CFAP43: variants seen among roughly 807,000 people sequenced by gnomAD.
CFAP43 encodes cilia and flagella associated protein 43.
Under a neutral mutation model 218.9 loss-of-function variants are expected in CFAP43, and 155 were observed. That is an observed-to-expected ratio of 0.71 (90% CI 0.62 to 0.81). The LOEUF (loss-of-function observed/expected upper bound fraction) is 0.81. CFAP43 is among the 30% of genes least tolerant of loss of function. CFAP43 has a pLI of 0.00. For synonymous variants in CFAP43, 645 were observed against 681.3 expected (o/e 0.95, Z 0.83); for missense variants, 1,778 against 1,954.3 (o/e 0.91, Z 1.70).
intron 7 of CFAP43, among the ~76,000 whole-genome samples, chr10:104,204,704 G>A (rs1187044373): frequency 6.8e-6 from 1 of 148,010 alleles, no homozygotes. Flanking sequence ...GGTTGGGGGA[G>A]CTAAGTGTAG....
chr10:104,155,010 G>T, intron 27 of CFAP43, among the ~76,000 whole-genome samples: 1 of 152,190 alleles, frequency 6.6e-6, no homozygotes, highest in South Asian at 2.1e-4. Context: ...GAGGGAAGCA[G>T]TGCAGGCAAG....
rs1467739987 is a variant in CFAP43, at chr10:104,170,353, G to A, written c.2587-1505C>T. 4.6e-5 allele frequency among the ~76,000 whole-genome samples: 7 copies of A among 152,104 alleles called. No homozygotes were observed. The South Asian group carries it at 1.0e-3, about 23-fold the overall frequency. On this transcript the variant is annotated intron_variant, in intron 20 of 37. Transcript: ENST00000357060. ...ATCTGGGGCAGAGGCACAGGGTGGC[G>A]GTGGGGTAGGTAGGATGAGTTTGGC...
intron 23 of CFAP43, 108 bp downstream of exon 23, chr10:104,166,380 G>T: frequency 1.2e-6 from 1 of 808,494 alleles, no homozygotes; most frequent in Non-Finnish European, 1.9e-6. Flanking sequence ...CCTCCTCTAT[G>T]TATTTTTAAA....
intron 2 of CFAP43, among the ~76,000 whole-genome samples, chr10:104,227,035 TATG>T (rs926270128): frequency 2.0e-5 from 3 of 152,132 alleles, no homozygotes; most frequent in African/African-American, 7.2e-5. Context: ...ATATATAATA[TATG>T]ATAATCCATT....
At chr10:104,212,700 T>A (rs547591875) in intron 4 of CFAP43, among the ~76,000 whole-genome samples, 1 of 152,342 alleles carries the variant, frequency 6.6e-6, no homozygotes, top group East Asian at 1.9e-4. Context: ...ACTTTTATAA[T>A]CTCTGATATT....
In CFAP43 at chr10:104,192,295, G is replaced by T; in HGVS notation, c.1450C>A (p.Gln484Lys). The T allele has an allele frequency of 6.2e-7, 1 of 1,610,162 alleles. No individual in the cohort carries two copies. Among genetic ancestry groups the T allele is most frequent in the East Asian group, 2.2e-5 (1 of 44,730 alleles). Reference sequence around the variant, plus strand: ...CCAACTAACAGAAATATTCCTTGCTGATCATAACTAGAAAAGAAGAAATCT... The same window carrying T: ...CCAACTAACAGAAATATTCCTTGCTTATCATAACTAGAAAAGAAGAAATCT... Reference protein sequence around the residue: ...ESSVQHVVYDQQGIFLLVGTA... With the variant: ...ESSVQHVVYDKQGIFLLVGTA... Residue 484 changes from glutamine to lysine, a missense_variant, in exon 12 of 38, where the codon CAG becomes AAG. This residue lies in a region of CFAP43 where 1,553 missense variants were observed against 1,685.2 expected (regional missense o/e 0.92). Coordinates refer to ENST00000357060, the MANE Select transcript of CFAP43 (RefSeq NM_025145.7).
rs1404819446 is a variant in CFAP43, at chr10:104,167,726, G to T, written c.2703C>A (p.Ile901=). The T allele has an allele frequency of 1.2e-6, 2 of 1,604,938 alleles. No homozygotes were observed. Among genetic ancestry groups the T allele is most frequent in the African/African-American group, 1.3e-5 (1 of 74,474 alleles). ...TCGGGAAGTTTTCAACCACACAGGG[G>T]ATATGAAAACACTTGGGGAAAAAAA... The part of the protein sequence containing the change: ...VKGRALKCFH[I]PCVVENFPMK... Residue 901 remains isoleucine (I), a synonymous_variant, in exon 22 of 38, where the codon ATC becomes ATA. Coordinates refer to ENST00000357060, the MANE Select transcript of CFAP43 (RefSeq NM_025145.7).
At chr10:104,231,659 GA>G (rs896838899) in intron 1 of CFAP43, among the ~76,000 whole-genome samples, 3 of 152,052 alleles carry the variant, frequency 2.0e-5, no homozygotes, top group Non-Finnish European at 4.4e-5. Flanking sequence ...GAATGTAGGG[GA>G]AAAAATGCCA....
intron 4 of CFAP43, 58 bp from the exon 5 acceptor site, chr10:104,212,215 A>G: frequency 6.4e-7 from 1 of 1,553,168 alleles, no homozygotes. Context: ...TATTGATGCA[A>G]CCACTGCATA....
rs1315615668 is a variant in CFAP43, at chr10:104,145,578, T to C, written c.3856-14A>G. 1 of 1,578,214 alleles carries C rather than the reference T, an allele frequency of 6.3e-7. No homozygotes were observed. ...GCGATCCATAACCTAAGGACAAACA[T>C]GACATTTGAGGACTGCAACTTGGTT... On this transcript the variant is annotated splice_polypyrimidine_tract_variant and intron_variant, in intron 30 of 37. Coordinates refer to ENST00000357060, the MANE Select transcript of CFAP43 (RefSeq NM_025145.7).
chr10:104,220,949 C>CGTGTGTGTGTGTGTGT (rs68093596), intron 3 of CFAP43, among the ~76,000 whole-genome samples: 1 of 143,580 alleles, frequency 7.0e-6, no homozygotes, highest in African/African-American at 2.6e-5. Flanking sequence ...TATGAGTGAG[C>CGTGTGTGTGTGTGTGT]GTGTGTGTGT....
Position 104,224,136 on chromosome 10 carries a change from C to T in CFAP43, c.416+1325G>A, listed in dbSNP as rs1410164784. ...TCAGCTCACTGCAAGCTCCGCCTCC[C>T]GGGTTCACGCCATTCTCCTGCCTCA... On this transcript the variant is annotated intron_variant, in intron 3 of 37. Transcript: ENST00000357060. 3.3e-5 allele frequency among the ~76,000 whole-genome samples: 5 copies of T among 152,186 alleles called. No homozygotes were observed. In the East Asian group the frequency reaches 7.8e-4, roughly 24 times the overall value.
intron 7 of CFAP43, among the ~76,000 whole-genome samples, chr10:104,204,256 T>G (rs1417972162): frequency 6.6e-6 from 1 of 152,212 alleles, no homozygotes; most frequent in African/African-American, 2.4e-5. Flanking sequence ...TGCCTTTTAT[T>G]CCCTTCGGAT....
At chr10:104,232,061 G>A (rs2091464005) in intron 1 of CFAP43, 121 bp downstream of exon 1, 3 of 1,126,722 alleles carry the variant, frequency 2.7e-6, no homozygotes, top group South Asian at 1.5e-5. Flanking sequence ...GGGCAGAGGG[G>A]AAGAGGTCGA....
chr10:104,139,031 A>G (rs998843007), intron 34 of CFAP43, among the ~76,000 whole-genome samples: 8 of 152,218 alleles, frequency 5.3e-5, no homozygotes, highest in African/African-American at 1.9e-4. Flanking sequence ...ATGTAAGTCT[A>G]TCTATCTGTC....
At chr10:104,190,135 C>CA (rs59257656) in intron 12 of CFAP43, among the ~76,000 whole-genome samples, 2,426 of 46,008 alleles carry the variant, frequency 0.053, 14 homozygotes, top group East Asian at 0.096. Flanking sequence ...GACTCCATCT[C>CA]AAAAAAAAAA....
chr10:104,201,680 AT>A (rs11336747), intron 8 of CFAP43, among the ~76,000 whole-genome samples: 68,806 of 145,816 alleles, frequency 0.47, 16,374 homozygotes, highest in African/African-American at 0.64. Context: ...CTACTTTCAC[AT>A]TTTTTTTTTT....
In CFAP43 at chr10:104,154,656, C is replaced by T. The variant is rs143077659; in HGVS notation, c.3541-1930G>A. Among the ~76,000 whole-genome samples, 831 of 152,296 alleles carry T rather than the reference C, an allele frequency of 5.5e-3. 4 individuals carry two copies. Among genetic ancestry groups the T allele is most frequent in the African/African-American group, 0.019 (781 of 41,564 alleles). ...CCAGATTGTCTACATGTCTTAGATC[C>T]ACCCTTCTTTAAAAACACTGAGATT... On this transcript the variant is annotated intron_variant, in intron 27 of 37. Transcript: ENST00000357060.
intron 17 of CFAP43, among the ~76,000 whole-genome samples, chr10:104,180,480 C>T (rs551914781): frequency 1.4e-5 from 2 of 142,776 alleles, no homozygotes; most frequent in South Asian, 4.4e-4. Flanking sequence ...GAGTCTTGCT[C>T]TGTCACCCAG....
Sources: allele counts gnomAD v4.1 joint callset (sites outside exome capture counted in the v4.1 genomes callset), GRCh38; gene constraint gnomAD v4.1.1; regional missense constraint gnomAD v4.1.1; transcripts MANE v1.5; gene names NCBI Gene and HGNC (gene_info 2026-07-23, HGNC 2026-07-21).